ESCO1: variants seen among roughly 807,000 people sequenced by gnomAD.
The protein encoded by ESCO1 is establishment of sister chromatid cohesion N-acetyltransferase 1, also known as N-acetyltransferase ESCO1.
Under a neutral mutation model 83.5 loss-of-function variants are expected in ESCO1, and 33 were observed. The observed-to-expected ratio is 0.40, with a 90% CI of 0.30 to 0.53. The LOEUF is 0.53. ESCO1 is among the 20% of genes least tolerant of loss of function. The probability of loss-of-function intolerance (pLI) is 0.63; values close to 1 mark genes in which losing one functional copy is unlikely to be tolerated. For missense variants in ESCO1, 855 were observed against 968.0 expected (o/e 0.88, Z 1.55); for synonymous variants, 332 against 324.3 (o/e 1.02, Z -0.25).
chr18:21,541,086 G>A (rs974765528), intron 8 of ESCO1, among the ~76,000 whole-genome samples: 6 of 152,020 alleles, frequency 3.9e-5, no homozygotes, highest in African/African-American at 1.4e-4. Context: ...AAAATTCTAG[G>A]TAATAAGCTT....
intron 7 of ESCO1, among the ~76,000 whole-genome samples, chr18:21,561,719 C>T (rs1030125387): frequency 5.3e-5 from 8 of 151,978 alleles, no homozygotes; most frequent in African/African-American, 1.5e-4. Context: ...TGAGCCACCA[C>T]GCCTCGCCAC....
chr18:21,582,167 A>G (rs186141468), intron 2 of ESCO1, among the ~76,000 whole-genome samples: 1 of 152,290 alleles, frequency 6.6e-6, no homozygotes, highest in African/African-American at 2.4e-5. Flanking sequence ...GAGTAAGAAA[A>G]TGTTCAAGAA....
intron 6 of ESCO1, among the ~76,000 whole-genome samples, 155 bp downstream of exon 6, chr18:21,565,991 G>A (rs2038254740): frequency 6.6e-6 from 1 of 152,038 alleles, no homozygotes; most frequent in Non-Finnish European, 1.5e-5. Flanking sequence ...AATGTCCATA[G>A]TAAACAGTAT....
rs1362980300 is a variant in ESCO1 at position 21,575,356 on chromosome 18, T to C, written c.-513A>G. The C allele has an allele frequency of 2.5e-6, 1 of 397,818 alleles. No homozygotes were observed. Among genetic ancestry groups the C allele is most frequent in the Non-Finnish European group, 4.4e-6 (1 of 225,662 alleles). 24.6% of individuals were successfully genotyped at this position (397,818 alleles called of 1,614,324 possible). ...TTTCCTTGTTTGCTGAGTCTGTTGG[T>C]TTGCAGTTCTTATCTAACCTCCTTT... On this transcript the variant is annotated 5_prime_UTR_variant, in exon 4 of 12. Transcript: ENST00000269214.
intron 5 of ESCO1, 62 bp from the exon 6 acceptor site, chr18:21,566,268 G>C: frequency 6.9e-7 from 1 of 1,441,790 alleles, no homozygotes. Context: ...CCATCTAATG[G>C]ATAAAATCAT....
rs1382151686 is a variant in ESCO1 at position 21,568,045 on chromosome 18, T to C, written c.1580A>G (p.Asn527Ser). The C allele has an allele frequency of 6.2e-7, 1 of 1,613,888 alleles. No homozygotes were observed. The highest frequency in any genetic ancestry group is 8.5e-7 in the Non-Finnish European group (1 of 1,179,920). Reference sequence around the variant, plus strand: ...GAGCAGAGTCGAAGCAGCAGTAACATTTTCCACTGGACTGTTTTCTAGCTT... The same window carrying C: ...GAGCAGAGTCGAAGCAGCAGTAACACTTTCCACTGGACTGTTTTCTAGCTT... ...ESKLENSPVE[N>S]VTAASTLLSQ... Residue 527 changes from asparagine (N) to serine (S), a missense_variant, in exon 5 of 12, where the codon AAT (asparagine) becomes AGT (serine). Asn to Ser is a conservative substitution (Grantham distance 46). Coordinates refer to ENST00000269214, the MANE Select transcript of ESCO1 (RefSeq NM_052911.3).
Position 21,574,075 on chromosome 18 carries a change from G to C in ESCO1, c.769C>G (p.Pro257Ala), listed in dbSNP as rs376078346. 3.3e-5 allele frequency: 54 copies of C among 1,612,226 alleles called. No individual in the cohort carries two copies. The highest frequency in any genetic ancestry group is 1.2e-4 in the South Asian group (11 of 91,074). The stretch of plus-strand genomic sequence containing the variant: ...GACTTCTTCATCTCATTCTTTTTCG[G>C]GACCACTGAAGTAGCCATTTTTGAT... ...KRSKMATSVV[P>A]KKNEMKKSVH... is the part of the protein sequence containing the mutation. Residue 257 changes from proline to alanine, a missense_variant, in exon 4 of 12, where the codon CCG (proline) becomes GCG (alanine). Physicochemically the swap from Pro to Ala is conservative, Grantham distance 27. This residue lies in a region of ESCO1 where 726 missense variants were observed against 699.5 expected (regional missense o/e 1.04). Transcript: ENST00000269214.
chr18:21,562,117 T>C (rs995448203), intron 7 of ESCO1, among the ~76,000 whole-genome samples: 1 of 147,596 alleles, frequency 6.8e-6, no homozygotes, highest in Non-Finnish European at 1.5e-5. Context: ...TGACATCAGG[T>C]GATCCACCTG....
At position 21,568,361 on chromosome 18, in the gene ESCO1, G is replaced by A. The variant is rs74752704; in HGVS notation, c.1531-267C>T. ...ACTCAGAAGCCTCACTAAAAGGGGA[G>A]GATCACTTAAGCCCAGGGGTTTGAA... On this transcript the variant is annotated intron_variant, in intron 4 of 11. Transcript: ENST00000269214. Among the ~76,000 whole-genome samples, 381 of 152,112 alleles carry A rather than the reference G, an allele frequency of 2.5e-3. 2 individuals are homozygous for A. Among genetic ancestry groups the A allele is most frequent in the African/African-American group, 8.7e-3 (360 of 41,508 alleles).
intron 5 of ESCO1, among the ~76,000 whole-genome samples, 179 bp downstream of exon 5, chr18:21,567,801 C>T (rs1448647381): frequency 6.6e-6 from 1 of 152,092 alleles, no homozygotes; most frequent in African/African-American, 2.4e-5. Flanking sequence ...TTTAAACAAA[C>T]CAATCAACAG....
intron 1 of ESCO1, among the ~76,000 whole-genome samples, chr18:21,595,523 G>A (rs1181500562): frequency 6.8e-6 from 1 of 147,216 alleles, no homozygotes; most frequent in African/African-American, 2.5e-5. Flanking sequence ...CAAAAAATTA[G>A]CCAGGCATGG....
intron 8 of ESCO1, among the ~76,000 whole-genome samples, chr18:21,559,294 G>A (rs2038153000): frequency 6.6e-6 from 1 of 152,202 alleles, no homozygotes; most frequent in African/African-American, 2.4e-5. Context: ...GGGGTTGGAG[G>A]AGGGGTCTGG....
chr18:21,540,254 A>G (rs938238153), intron 8 of ESCO1, among the ~76,000 whole-genome samples: 4 of 152,152 alleles, frequency 2.6e-5, no homozygotes, highest in African/African-American at 7.2e-5. Context: ...TAATACCACA[A>G]GAGTATTTCT....
rs541620007 is a variant in ESCO1, at chr18:21,591,894, G to C, written c.-824-7454C>G. 7.5e-4 allele frequency among the ~76,000 whole-genome samples: 114 copies of C among 151,096 alleles called. 1 individual carries two copies. The South Asian group carries it at 0.023, about 31-fold the overall frequency. On this transcript the variant is annotated intron_variant, in intron 1 of 11. Transcript: ENST00000269214. ...CTCTTAACGAGCATGCTGCCTTCAA[G>C]CATCTGTTTAACAAAGCACATCTTG...
At chr18:21,565,089 A>AT (rs928126491) in intron 6 of ESCO1, among the ~76,000 whole-genome samples, 3 of 152,086 alleles carry the variant, frequency 2.0e-5, no homozygotes, top group African/African-American at 7.2e-5. Context: ...AATAATAATA[A>AT]TAAAAATAAA....
rs540710684 is a variant in ESCO1 at position 21,591,814 on chromosome 18, C to A, written c.-824-7374G>T. Among the ~76,000 whole-genome samples the A allele has an allele frequency of 2.2e-4, 34 of 152,016 alleles. No homozygotes were observed. In the East Asian group the frequency reaches 6.0e-3, roughly 27 times the overall value. On this transcript the variant is annotated intron_variant, in intron 1 of 11. Transcript: ENST00000269214. ...TGGTTTTCCTAGGCAGAGGGCCCTG[C>A]GGCCTTCCGCAGTGTTTGTGTCCCT...
intron 1 of ESCO1, among the ~76,000 whole-genome samples, chr18:21,597,494 TAA>T (rs558952428): frequency 2.2e-5 from 3 of 138,422 alleles, no homozygotes; most frequent in Non-Finnish European, 1.6e-5. Flanking sequence ...CCACTGTTAC[TAA>T]AAAAAAAAAA....
At chr18:21,544,928 A>G (rs1289164752) in intron 8 of ESCO1, among the ~76,000 whole-genome samples, 1 of 152,246 alleles carries the variant, frequency 6.6e-6, no homozygotes, top group African/African-American at 2.4e-5. Context: ...CCCGAAGTGC[A>G]GTAAAGTAGT....
Position 21,574,811 on chromosome 18 carries a change from A to G in ESCO1, c.33T>C (p.Asn11=), listed in dbSNP as rs1362867313. MMSIQEKSKE[N]SSKVTKKSDD... Reference sequence around the variant, plus strand: ...CACTTTTTTTAGTAACTTTGGAGGAATTCTCTTTTGATTTCTCCTGAATGG... The same window carrying G: ...CACTTTTTTTAGTAACTTTGGAGGAGTTCTCTTTTGATTTCTCCTGAATGG... Residue 11 remains asparagine, a synonymous_variant, in exon 4 of 12, where the codon AAT becomes AAC. Coordinates refer to ENST00000269214, the MANE Select transcript of ESCO1 (RefSeq NM_052911.3). 6.3e-7 allele frequency: 1 copy of G among 1,593,852 alleles called. No individual in the cohort carries two copies. Among genetic ancestry groups the G allele is most frequent in the East Asian group, 2.2e-5 (1 of 44,828 alleles).
Sources: gnomAD v4.1 joint callset for allele counts (sites outside exome capture counted in the v4.1 genomes callset) on GRCh38, gnomAD v4.1.1 for gene constraint, gnomAD v4.1.1 regional missense constraint, MANE v1.5 for transcripts, NCBI Gene and HGNC (gene_info 2026-07-23, HGNC 2026-07-21) for gene names.